CA10: variants seen among roughly 807,000 people sequenced by gnomAD.
The protein encoded by CA10 is carbonic anhydrase 10 (inactive), also known as carbonic anhydrase-related protein 10.
Under a neutral mutation model 44.2 loss-of-function variants are expected in CA10, and 14 were observed. The observed-to-expected ratio is 0.32, with a 90% CI of 0.21 to 0.50. The LOEUF is 0.50. CA10 is among the 20% of genes least tolerant of loss of function. The probability of loss-of-function intolerance (pLI) is 0.99; values close to 1 mark genes in which losing one functional copy is unlikely to be tolerated. For missense variants in CA10, 350 were observed against 409.7 expected, an observed-to-expected ratio of 0.85 and a Z score of 1.26; for synonymous variants, 159 against 141.6, an observed-to-expected ratio of 1.12 and a Z score of -0.87.
At chr17:51,865,133 T>C (rs1373918919) in intron 3 of CA10, among the ~76,000 whole-genome samples, 1 of 152,178 alleles carries the variant, frequency 6.6e-6, no homozygotes, top group East Asian at 1.9e-4. Context: ...GTATGACTGG[T>C]ATACATCAAA....
intron 3 of CA10, among the ~76,000 whole-genome samples, chr17:51,849,917 A>G (rs1441244501): frequency 3.9e-5 from 6 of 152,190 alleles, no homozygotes; most frequent in Admixed American, 3.9e-4. Flanking sequence ...ATTCAAGTCC[A>G]TTTCCACAAG....
rs757384765 is a variant in CA10 at position 51,939,245 on chromosome 17, T to C, written c.137-8113A>G. On this transcript the variant is annotated intron_variant, in intron 2 of 8. Transcript: ENST00000451037. ...CCATACTAATAGAGCTTCTCTTTCT[T>C]GTGTAAAGCTACAGAACTTCTACAG... Among the ~76,000 whole-genome samples, 62 of 152,150 alleles carry C rather than the reference T, an allele frequency of 4.1e-4. 1 individual carries two copies. Among genetic ancestry groups the C allele is most frequent in the Non-Finnish European group, 7.1e-4 (48 of 67,988 alleles).
At chr17:51,961,139 T>C (rs972204245) in intron 2 of CA10, among the ~76,000 whole-genome samples, 11 of 151,116 alleles carry the variant, frequency 7.3e-5, no homozygotes, top group Admixed American at 4.0e-4. Flanking sequence ...GAACCCACGA[T>C]TGCATTAGCC....
intron 4 of CA10, among the ~76,000 whole-genome samples, chr17:51,731,653 T>TAA (rs371165542): frequency 0.16 from 17,742 of 109,040 alleles, 1,582 homozygotes; most frequent in African/African-American, 0.19. Context: ...AAGGGGCTGG[T>TAA]AAAAAAAAAA....
chr17:52,006,916 T>C (rs1419995005), intron 2 of CA10, among the ~76,000 whole-genome samples: 1 of 151,776 alleles, frequency 6.6e-6, no homozygotes, highest in Non-Finnish European at 1.5e-5. Context: ...TCTTTCTCTT[T>C]CATCCAATCT....
intron 3 of CA10, among the ~76,000 whole-genome samples, chr17:51,777,523 C>T (rs1905869531): frequency 6.6e-6 from 1 of 152,126 alleles, no homozygotes; most frequent in Non-Finnish European, 1.5e-5. Context: ...AGTCCTGGAA[C>T]CAATCCCCTG....
At chr17:52,072,678 TACACACACACAC>T (rs58984767) in intron 1 of CA10, among the ~76,000 whole-genome samples, 3 of 140,100 alleles carry the variant, frequency 2.1e-5, no homozygotes, top group South Asian at 2.4e-4. Flanking sequence ...ATCTTCCCCA[TACACACACACAC>T]ACACACACAC....
intron 1 of CA10, among the ~76,000 whole-genome samples, chr17:52,089,308 T>C (rs1988200904): frequency 6.6e-6 from 1 of 152,212 alleles, no homozygotes; most frequent in African/African-American, 2.4e-5. Context: ...TGTGTGAAAG[T>C]GTCACCACAG....
At chr17:51,632,041 C>G (rs567428087) in intron 8 of CA10, among the ~76,000 whole-genome samples, 1 of 152,296 alleles carries the variant, frequency 6.6e-6, no homozygotes, top group South Asian at 2.1e-4. Flanking sequence ...GTCCACAGAT[C>G]TAATCCAGCA....
At chr17:51,898,632 G>A (rs1307969785) in intron 3 of CA10, among the ~76,000 whole-genome samples, 1 of 152,054 alleles carries the variant, frequency 6.6e-6, no homozygotes, top group Non-Finnish European at 1.5e-5. Flanking sequence ...AATGGTGCCA[G>A]CTCTTTAACA....
intron 1 of CA10, among the ~76,000 whole-genome samples, chr17:52,129,449 C>T (rs910085286): frequency 1.3e-5 from 2 of 152,078 alleles, no homozygotes; most frequent in African/African-American, 4.8e-5. Context: ...CATTGCTATC[C>T]TCGTTATGGA....
At chr17:51,755,836 T>C (rs943826589) in intron 3 of CA10, among the ~76,000 whole-genome samples, 4 of 152,236 alleles carry the variant, frequency 2.6e-5, no homozygotes, top group African/African-American at 9.6e-5. Context: ...CAAGTCTTCA[T>C]GACCCAAGCT....
At chr17:51,794,145 A>ACAC (rs1906624089) in intron 3 of CA10, among the ~76,000 whole-genome samples, 1 of 152,258 alleles carries the variant, frequency 6.6e-6, no homozygotes, top group South Asian at 2.1e-4. Context: ...GAAGTTAATT[A>ACAC]CACCAGTCAC....
At chr17:52,155,884 T>C (rs1009506547) in intron 1 of CA10, among the ~76,000 whole-genome samples, 14 of 152,158 alleles carry the variant, frequency 9.2e-5, no homozygotes, top group African/African-American at 3.4e-4. Flanking sequence ...ATGCTTCCAT[T>C]TGAATAATTT....
chr17:52,011,288 C>A (rs957051903), intron 2 of CA10, among the ~76,000 whole-genome samples: 1 of 151,920 alleles, frequency 6.6e-6, no homozygotes, highest in African/African-American at 2.4e-5. Context: ...GGCTTCATAG[C>A]CCTATGATCA....
intron 3 of CA10, among the ~76,000 whole-genome samples, chr17:51,815,625 G>T (rs1254473037): frequency 6.6e-6 from 1 of 152,084 alleles, no homozygotes; most frequent in Admixed American, 6.6e-5. Context: ...CCATCTGCCG[G>T]TAAAATCCAG....
At chr17:51,936,416 G>T (rs549498961) in intron 2 of CA10, among the ~76,000 whole-genome samples, 1 of 152,096 alleles carries the variant, frequency 6.6e-6, no homozygotes, top group African/African-American at 2.4e-5. Flanking sequence ...GTCAAGGGTG[G>T]TCTCTCTGGA....
Position 52,145,224 on chromosome 17 carries a change from G to A in CA10, c.61+12502C>T, listed in dbSNP as rs143424236. 8.5e-3 allele frequency among the ~76,000 whole-genome samples: 1,300 copies of A among 152,202 alleles called. 29 individuals carry two copies. Among genetic ancestry groups the A allele is most frequent in the African/African-American group, 0.03 (1,237 of 41,532 alleles). ...CCACTTTTTGTTCACTCACAGTCGT[G>A]AAAGATCTTCCTATATTTTCATCTT... On this transcript the variant is annotated intron_variant, in intron 1 of 8. Transcript: ENST00000451037.
At chr17:52,048,895 G>A (rs1278676619) in intron 2 of CA10, among the ~76,000 whole-genome samples, 1 of 151,576 alleles carries the variant, frequency 6.6e-6, no homozygotes, top group Admixed American at 6.6e-5. Flanking sequence ...TTTCGATCAA[G>A]GGTATAATAG....
Sources: allele counts gnomAD v4.1 joint callset (sites outside exome capture counted in the v4.1 genomes callset), GRCh38; gene constraint gnomAD v4.1.1; transcripts MANE v1.5; gene names NCBI Gene and HGNC (gene_info 2026-07-23, HGNC 2026-07-21).